SORCS2: variants seen among roughly 807,000 people sequenced by gnomAD.
SORCS2 encodes the protein sortilin related VPS10 domain containing receptor 2.
Under a neutral mutation model 141.6 loss-of-function variants are expected in SORCS2, and 100 were observed. That is an observed-to-expected ratio of 0.71 (90% confidence interval 0.60 to 0.83). The LOEUF is 0.83. Among genes scored for constraint, SORCS2 ranks in the 40% least tolerant of loss-of-function variants. The pLI, the probability that SORCS2 is intolerant of heterozygous loss-of-function variation, is 0.00. For missense variants in SORCS2, 1,646 were observed against 1,560.2 expected (o/e 1.05, Z -0.93); for synonymous variants, 789 against 676.9 (o/e 1.17, Z -2.57).
Position 7,201,559 on chromosome 4 carries a change from G to A in SORCS2, c.480+8433G>A, listed in dbSNP as rs1399897377. On this transcript the variant is annotated intron_variant, in intron 1 of 26. Coordinates refer to ENST00000507866, the MANE Select transcript of SORCS2 (RefSeq NM_020777.3). This position sits in a 1 kb window ranked among gnomAD's most constrained non-coding sequence, Gnocchi z 4.4. ...AGGCTAAGACTTGTGCAGATGATTCGATGGAGAGCAGACTGGAGTGACGGG... is the reference window on the plus strand; with the variant it reads ...AGGCTAAGACTTGTGCAGATGATTCAATGGAGAGCAGACTGGAGTGACGGG... 3.3e-5 allele frequency among the ~76,000 whole-genome samples: 5 copies of A among 152,182 alleles called. No homozygotes were observed. Among genetic ancestry groups the A allele is most frequent in the African/African-American group, 7.2e-5 (3 of 41,440 alleles).
chr4:7,243,501 CG>C (rs1220316767), intron 1 of SORCS2, among the ~76,000 whole-genome samples: 1 of 152,108 alleles, frequency 6.6e-6, no homozygotes, highest in African/African-American at 2.4e-5. Flanking sequence ...TGGAGGAGCC[CG>C]GGCTCCAGCT....
chr4:7,564,954 C>A (rs1190587703), intron 3 of SORCS2, among the ~76,000 whole-genome samples: 1 of 152,094 alleles, frequency 6.6e-6, no homozygotes, highest in East Asian at 1.9e-4. Context: ...TTGGAAGTGG[C>A]CACTGGCCAC....
Position 7,594,189 on chromosome 4 carries a change from G to A in SORCS2, c.649-44139G>A, listed in dbSNP as rs190102429. 2.4e-3 allele frequency among the ~76,000 whole-genome samples: 365 copies of A among 152,286 alleles called. 1 individual carries two copies. The highest frequency in any genetic ancestry group is 8.2e-3 in the African/African-American group (339 of 41,550). ...CTGGTACTCTGCCCCCTGCTGCCTCGGGAAGTGCTCTGGCCTCGGTGTATT... is the reference window on the plus strand; with the variant it reads ...CTGGTACTCTGCCCCCTGCTGCCTCAGGAAGTGCTCTGGCCTCGGTGTATT... On this transcript the variant is annotated intron_variant, in intron 3 of 26. Transcript: ENST00000507866.
chr4:7,350,681 G>A (rs1457175525), intron 1 of SORCS2, among the ~76,000 whole-genome samples: 2 of 152,230 alleles, frequency 1.3e-5, no homozygotes, highest in African/African-American at 2.4e-5. Flanking sequence ...GCCCGTGGGA[G>A]GCCTGAGATT....
At chr4:7,456,088 G>A (rs1455511882) in intron 2 of SORCS2, among the ~76,000 whole-genome samples, 4 of 152,282 alleles carry the variant, frequency 2.6e-5, no homozygotes, top group Admixed American at 6.5e-5. Flanking sequence ...GTGTCCTCAC[G>A]TGGTCGTCCC....
intron 1 of SORCS2, among the ~76,000 whole-genome samples, chr4:7,285,020 C>A (rs1038750280): frequency 2.5e-5 from 3 of 121,260 alleles, no homozygotes; most frequent in Non-Finnish European, 5.4e-5. Context: ...TGGGACCATC[C>A]CATATATATA....
intron 3 of SORCS2, among the ~76,000 whole-genome samples, chr4:7,535,597 G>A (rs765698856): frequency 6.6e-6 from 1 of 152,238 alleles, no homozygotes; most frequent in Non-Finnish European, 1.5e-5. Context: ...TCAGATCCGG[G>A]CCTGGCCCGA....
intron 2 of SORCS2, among the ~76,000 whole-genome samples, chr4:7,520,778 G>A (rs1164142110): frequency 1.3e-5 from 2 of 152,220 alleles, no homozygotes; most frequent in Non-Finnish European, 2.9e-5. Context: ...GGGTGAGGTG[G>A]AGTTAAGGAG....
At chr4:7,572,602 G>A (rs187404306) in intron 3 of SORCS2, among the ~76,000 whole-genome samples, 1 of 152,302 alleles carries the variant, frequency 6.6e-6, no homozygotes, top group East Asian at 1.9e-4. Flanking sequence ...AAGATGAAAA[G>A]CATTCTGCAC....
At chr4:7,561,346 T>C (rs2109672897) in intron 3 of SORCS2, among the ~76,000 whole-genome samples, 1 of 152,236 alleles carries the variant, frequency 6.6e-6, no homozygotes, top group South Asian at 2.1e-4. Flanking sequence ...CGGCTGGAAG[T>C]CCAGACTAGC....
intron 2 of SORCS2, among the ~76,000 whole-genome samples, chr4:7,451,032 G>A (rs1220444050): frequency 6.6e-6 from 1 of 150,434 alleles, no homozygotes; most frequent in Non-Finnish European, 1.5e-5. Context: ...GAGGGAATGA[G>A]TGAGTGAATG....
At chr4:7,588,568 C>T (rs1267441992) in intron 3 of SORCS2, among the ~76,000 whole-genome samples, 2 of 152,142 alleles carry the variant, frequency 1.3e-5, no homozygotes, top group African/African-American at 4.8e-5. Flanking sequence ...GGTTGAAGAG[C>T]CCCCCTCTGA....
chr4:7,199,122 G>A lies in SORCS2; in HGVS notation c.480+5996G>A, dbSNP rs76287808. 1.1e-3 allele frequency among the ~76,000 whole-genome samples: 174 copies of A among 152,338 alleles called. 1 individual carries two copies. In the East Asian group the frequency reaches 0.02, roughly 18 times the overall value. On this transcript the variant is annotated intron_variant, in intron 1 of 26. Coordinates refer to ENST00000507866, the MANE Select transcript of SORCS2 (RefSeq NM_020777.3). ...CTGTGAGCCGGGAGGATGGGGAGCC[G>A]TGCTCTCTCTCGACCTGGGCCCTAG...
At chr4:7,405,745 C>G (rs554256898) in intron 2 of SORCS2, among the ~76,000 whole-genome samples, 2 of 151,974 alleles carry the variant, frequency 1.3e-5, no homozygotes, top group South Asian at 2.1e-4. Context: ...TTCATGGACT[C>G]TTTAGTTTTT....
chr4:7,304,951 C>T (rs773969286), intron 1 of SORCS2, among the ~76,000 whole-genome samples: 3 of 152,076 alleles, frequency 2.0e-5, no homozygotes, highest in Admixed American at 6.5e-5. Context: ...GGTTCCTGCT[C>T]GTGAGGGCTT....
At chr4:7,204,454 G>A (rs1055263413) in intron 1 of SORCS2, among the ~76,000 whole-genome samples, 5 of 152,134 alleles carry the variant, frequency 3.3e-5, no homozygotes, top group Non-Finnish European at 4.4e-5. Context: ...CTAAGCTCAA[G>A]CAATCCACCC....
chr4:7,435,281 G>A (rs1055337058), intron 2 of SORCS2, among the ~76,000 whole-genome samples: 114 of 152,246 alleles, frequency 7.5e-4, no homozygotes, highest in African/African-American at 2.4e-3. Flanking sequence ...CTCCTGGAAT[G>A]TGAGCCCCCC....
At chr4:7,278,759 C>A (rs961792269) in intron 1 of SORCS2, among the ~76,000 whole-genome samples, 2 of 152,212 alleles carry the variant, frequency 1.3e-5, no homozygotes, top group African/African-American at 4.8e-5. Context: ...TTTGCTGCCA[C>A]CCAATGCTCC....
chr4:7,217,231 G>C (rs988472077), intron 1 of SORCS2, among the ~76,000 whole-genome samples: 1 of 152,074 alleles, frequency 6.6e-6, no homozygotes, highest in Non-Finnish European at 1.5e-5. Flanking sequence ...TCTCACCCCC[G>C]CCTTTCTGGC....
Sources: allele counts gnomAD v4.1 joint callset (sites outside exome capture counted in the v4.1 genomes callset), GRCh38; gene constraint gnomAD v4.1.1; non-coding constraint Gnocchi (gnomAD v3.1); transcripts MANE v1.5; gene names NCBI Gene and HGNC (gene_info 2026-07-23, HGNC 2026-07-21).